The following DSCAML1 variants were observed in gnomAD, a reference collection of about 807,000 sequenced individuals.
DSCAML1 encodes cell adhesion molecule DSCAML1.
In DSCAML1, 38 loss-of-function variants were observed where a neutral mutation model predicts 200.5. The ratio of observed to expected loss-of-function variants is 0.19; its 90% confidence interval spans 0.15 to 0.25. The LOEUF is 0.25. Among genes scored for constraint, DSCAML1 ranks in the 10% least tolerant of loss-of-function variants. DSCAML1 has a pLI of 1.00. For synonymous variants in DSCAML1, 1,215 were observed against 1,165.0 expected (o/e 1.04, Z -0.87); for missense variants, 2,223 against 2,858.8 (o/e 0.78, Z 5.07).
intron 3 of DSCAML1, among the ~76,000 whole-genome samples, chr11:117,662,313 C>A (rs1474177351): frequency 6.6e-6 from 1 of 152,186 alleles, no homozygotes; most frequent in Non-Finnish European, 1.5e-5. Flanking sequence ...TTCATGGAAC[C>A]AGTAGTTTTC....
At chr11:117,478,505 C>T (rs749812914) in intron 14 of DSCAML1, among the ~76,000 whole-genome samples, 5 of 152,172 alleles carry the variant, frequency 3.3e-5, no homozygotes, top group Non-Finnish European at 7.4e-5. Context: ...TTTCTTTTCT[C>T]CTGGATACCA....
At position 117,435,581 on chromosome 11, in the gene DSCAML1, G is replaced by C. The variant is rs533417401; in HGVS notation, c.4876+63C>G. 106 of 1,525,072 alleles carry C rather than the reference G, an allele frequency of 7.0e-5. No homozygotes were observed. In the East Asian group the frequency reaches 2.1e-3, roughly 31 times the overall value. The allele number at this position is 1,525,072 out of a possible 1,614,324, so 94.5% of individuals were successfully genotyped here. On this transcript the variant is annotated intron_variant, in intron 27 of 32. Coordinates refer to ENST00000651296, the MANE Select transcript of DSCAML1 (RefSeq NM_020693.4). ...AGATGGTGCTGTGAGCCAGGGAAGG[G>C]GGGGGACAATGTGGCTGAGAGCCAA...
chr11:117,555,363 C>T (rs2050541492), intron 3 of DSCAML1, among the ~76,000 whole-genome samples: 1 of 152,182 alleles, frequency 6.6e-6, no homozygotes, highest in East Asian at 1.9e-4. Flanking sequence ...ACTCTTCTGA[C>T]CTCCAGGGGC....
intron 1 of DSCAML1, among the ~76,000 whole-genome samples, chr11:117,809,671 A>T (rs1333345424): frequency 1.3e-5 from 2 of 152,186 alleles, no homozygotes; most frequent in Non-Finnish European, 2.9e-5. Flanking sequence ...GAACTACTGG[A>T]GGGGACCAAT....
intron 14 of DSCAML1, among the ~76,000 whole-genome samples, chr11:117,479,179 A>G (rs1372197999): frequency 1.2e-4 from 18 of 152,222 alleles, no homozygotes; most frequent in Admixed American, 1.2e-3. Context: ...AGAGGAGAGG[A>G]CAGCCGGCCG....
intron 11 of DSCAML1, 135 bp from the exon 12 acceptor site, chr11:117,482,297 C>T (rs2048944591): frequency 7.0e-6 from 7 of 1,004,566 alleles, no homozygotes; most frequent in Admixed American, 2.2e-5. Flanking sequence ...TACAGGGAAC[C>T]CCACTGGCCT....
chr11:117,599,239 G>A (rs1444231411), intron 3 of DSCAML1, among the ~76,000 whole-genome samples: 1 of 152,186 alleles, frequency 6.6e-6, no homozygotes, highest in African/African-American at 2.4e-5. Context: ...CCAGGGGAAT[G>A]TGCGGCTGCT....
At chr11:117,815,430 G>A (rs912781643) in intron 1 of DSCAML1, among the ~76,000 whole-genome samples, 16 of 152,308 alleles carry the variant, frequency 1.1e-4, no homozygotes, top group African/African-American at 3.6e-4. Context: ...TCTGCACTGA[G>A]CTGCAGGCAG....
chr11:117,633,524 G>A (rs76641265), intron 3 of DSCAML1, among the ~76,000 whole-genome samples: 6 of 152,154 alleles, frequency 3.9e-5, no homozygotes, highest in South Asian at 2.1e-4. Flanking sequence ...AGGTTTTCAC[G>A]CAGAATTTTC....
At chr11:117,769,478 ATAATATATATT>A (rs2054990281) in intron 3 of DSCAML1, among the ~76,000 whole-genome samples, 1 of 88,946 alleles carries the variant, frequency 1.1e-5, no homozygotes, top group African/African-American at 5.9e-5. Flanking sequence ...TTTTATATAT[ATAATATATATT>A]TTATATATAT....
chr11:117,551,476 C>T (rs770110611), intron 3 of DSCAML1, among the ~76,000 whole-genome samples: 5 of 152,050 alleles, frequency 3.3e-5, no homozygotes, highest in Admixed American at 3.3e-4. Flanking sequence ...AGAGCTCAGC[C>T]CTCTCCCCCA....
chr11:117,760,186 A>G (rs938480892), intron 3 of DSCAML1, among the ~76,000 whole-genome samples: 1 of 152,262 alleles, frequency 6.6e-6, no homozygotes, highest in Non-Finnish European at 1.5e-5. Flanking sequence ...TAATGATAAC[A>G]TATCATGCAT....
rs2055247114 is a variant in DSCAML1 at position 117,780,972 on chromosome 11, A to C, written c.47-162T>G. On this transcript the variant is annotated intron_variant, in intron 1 of 32. Coordinates refer to ENST00000651296, the MANE Select transcript of DSCAML1 (RefSeq NM_020693.4). This position sits in a 1 kb window ranked among gnomAD's most constrained non-coding sequence, Gnocchi z 4.8. ...ACTGACTATACACCAGGCACTGGCA[A>C]AGGTGAATCAGAGACAGTTCCTGAT... Among the ~76,000 whole-genome samples the C allele has an allele frequency of 6.6e-6, 1 of 152,154 alleles. No homozygotes were observed. Among genetic ancestry groups the C allele is most frequent in the African/African-American group, 2.4e-5 (1 of 41,436 alleles).
chr11:117,711,698 C>T (rs979096602), intron 3 of DSCAML1, among the ~76,000 whole-genome samples: 1 of 151,886 alleles, frequency 6.6e-6, no homozygotes, highest in African/African-American at 2.4e-5. Flanking sequence ...CCTTTTTTTT[C>T]CTCCAATTTT....
intron 3 of DSCAML1, among the ~76,000 whole-genome samples, chr11:117,578,548 T>C (rs11604377): frequency 0.33 from 49,803 of 151,922 alleles, 8,457 homozygotes; most frequent in African/African-American, 0.36. Flanking sequence ...TATGTCCCTG[T>C]AGTCCTAGCT....
chr11:117,437,955 T>C lies in DSCAML1; in HGVS notation c.4372A>G (p.Lys1458Glu), dbSNP rs757995069. The change falls in exon 25 of 33, where the codon AAG becomes GAG. Residue 1458 changes from lysine to glutamate, a missense_variant. Around this residue, in one of 7 missense-constraint regions of DSCAML1, gnomAD observed 614 missense variants for 739.1 expected, o/e 0.83. Coordinates refer to ENST00000651296, the MANE Select transcript of DSCAML1 (RefSeq NM_020693.4). This position sits in a 1 kb window ranked among gnomAD's most constrained non-coding sequence, Gnocchi z 5.3. ...ATGCGCCCAGAGCCCACGCTGTTCTTGGCTGCCAGCTTCACCTTGTACCAC... is the reference window on the plus strand; with the variant it reads ...ATGCGCCCAGAGCCCACGCTGTTCTCGGCTGCCAGCTTCACCTTGTACCAC... ...GTWYKVKLAA[K>E]NSVGSGRISE... is the part of the protein sequence containing the mutation. 2 of 1,613,940 alleles carry C rather than the reference T, an allele frequency of 1.2e-6. No individual in the cohort carries two copies. The highest frequency in any genetic ancestry group is 1.7e-6 in the Non-Finnish European group (2 of 1,180,010).
intron 3 of DSCAML1, among the ~76,000 whole-genome samples, chr11:117,624,206 G>A (rs187481427): frequency 6.6e-5 from 10 of 152,280 alleles, no homozygotes; most frequent in Admixed American, 3.3e-4. Flanking sequence ...CAGCTGAATC[G>A]GAATGACAGC....
chr11:117,691,191 G>A (rs983817667), intron 3 of DSCAML1, among the ~76,000 whole-genome samples: 4 of 152,192 alleles, frequency 2.6e-5, no homozygotes, highest in African/African-American at 7.2e-5. Flanking sequence ...GACGTGTTAC[G>A]TGAGGAAGCA....
intron 4 of DSCAML1, 87 bp downstream of exon 4, chr11:117,532,289 T>C: frequency 7.2e-7 from 1 of 1,389,740 alleles, no homozygotes. Flanking sequence ...GGCTCCTCCA[T>C]CTGCGGTGGG....
Sources: allele counts gnomAD v4.1 joint callset (sites outside exome capture counted in the v4.1 genomes callset), GRCh38; gene constraint gnomAD v4.1.1; regional missense constraint gnomAD v4.1.1; non-coding constraint Gnocchi (gnomAD v3.1); transcripts MANE v1.5; gene names NCBI Gene and HGNC (gene_info 2026-07-23, HGNC 2026-07-21).